CCDC148: variants seen among roughly 807,000 people sequenced by gnomAD.
CCDC148 encodes coiled-coil domain containing 148, also known as coiled-coil domain-containing protein 148.
A neutral mutation model predicts 85.7 loss-of-function variants in CCDC148; 89 were observed. That is an observed-to-expected ratio of 1.04 (90% CI 0.87 to 1.24). The LOEUF (loss-of-function observed/expected upper bound fraction) is 1.24. Among genes scored for constraint, CCDC148 ranks in the 50% most tolerant of loss-of-function variants. CCDC148 has a pLI of 0.00. For synonymous variants in CCDC148, 230 were observed against 213.9 expected, an observed-to-expected ratio of 1.08 and a Z score of -0.66; for missense variants, 692 against 671.7, an observed-to-expected ratio of 1.03 and a Z score of -0.33.
chr2:158,390,289 A>C (rs112591233), intron 1 of CCDC148, among the ~76,000 whole-genome samples: 1,718 of 152,282 alleles, frequency 0.011, 19 homozygotes, highest in Middle Eastern at 0.075. Flanking sequence ...AAAGGGATAG[A>C]AGGACCAAAC....
chr2:158,422,363 G>C (rs1425595614), intron 1 of CCDC148, among the ~76,000 whole-genome samples: 2 of 152,074 alleles, frequency 1.3e-5, no homozygotes, highest in Non-Finnish European at 2.9e-5. Flanking sequence ...ACCGAATCCA[G>C]CATATCAAAA....
At chr2:158,364,518 C>T (rs1351017255) in intron 1 of CCDC148, among the ~76,000 whole-genome samples, 1 of 152,156 alleles carries the variant, frequency 6.6e-6, no homozygotes, top group Non-Finnish European at 1.5e-5. Context: ...ACATCTAAAA[C>T]CATCTGATCT....
chr2:158,388,737 G>C (rs57790795), intron 1 of CCDC148, among the ~76,000 whole-genome samples: 9,621 of 152,016 alleles, frequency 0.063, 602 homozygotes, highest in African/African-American at 0.16. Flanking sequence ...TCAGGTGATC[G>C]ACCTGCCTGG....
rs147312419 is a variant in CCDC148, at chr2:158,350,946, C to T, written c.148-5628G>A. 1.3e-3 allele frequency among the ~76,000 whole-genome samples: 204 copies of T among 152,170 alleles called. 5 individuals carry two copies. The East Asian group carries it at 0.035, about 26-fold the overall frequency. On this transcript the variant is annotated intron_variant, in intron 2 of 13. Transcript: ENST00000283233. ...TGTAATATACAATACCTCACTGTTA[C>T]TCATCCTCACCCTACTGTGCAATAG...
intron 9 of CCDC148, among the ~76,000 whole-genome samples, chr2:158,281,547 G>A (rs1267260429): frequency 2.0e-5 from 3 of 152,010 alleles, no homozygotes; most frequent in Non-Finnish European, 4.4e-5. Flanking sequence ...TAAATTCCTC[G>A]ACACATACAC....
chr2:158,221,387 T>C (rs1230416575), intron 10 of CCDC148, among the ~76,000 whole-genome samples: 1 of 152,210 alleles, frequency 6.6e-6, no homozygotes, highest in Admixed American at 6.5e-5. Flanking sequence ...GAGGTACATA[T>C]GAGCTATTTT....
chr2:158,195,680 A>G lies in CCDC148; in HGVS notation c.1371-16684T>C, dbSNP rs373628977. Among the ~76,000 whole-genome samples, 6 of 152,308 alleles carry G rather than the reference A, an allele frequency of 3.9e-5. No homozygotes were observed. The South Asian group carries it at 1.2e-3, about 32-fold the overall frequency. On this transcript the variant is annotated intron_variant, in intron 11 of 13. Coordinates refer to ENST00000283233, the MANE Select transcript of CCDC148 (RefSeq NM_138803.4). ...CACATTCTGGCAGTTTTCTATGGTTATGCTGCTTCCAAAGCAATCTGCATG... is the reference window on the plus strand; with the variant it reads ...CACATTCTGGCAGTTTTCTATGGTTGTGCTGCTTCCAAAGCAATCTGCATG...
At chr2:158,346,693 G>A (rs770788016) in intron 2 of CCDC148, among the ~76,000 whole-genome samples, 3 of 151,966 alleles carry the variant, frequency 2.0e-5, no homozygotes, top group African/African-American at 4.8e-5. Context: ...GATGAAATAC[G>A]CATATTTCAT....
intron 1 of CCDC148, chr2:158,425,156 T>C: frequency 5.8e-6 from 3 of 516,364 alleles, no homozygotes; most frequent in Non-Finnish European, 1.2e-5. Context: ...ATCAAAACTG[T>C]AGTGGCTATG....
intron 9 of CCDC148, among the ~76,000 whole-genome samples, chr2:158,272,176 A>G (rs917796698): frequency 6.6e-6 from 1 of 152,312 alleles, no homozygotes; most frequent in East Asian, 1.9e-4. Flanking sequence ...GTTTCATAAG[A>G]AGATTTATAG....
Position 158,446,451 on chromosome 2 carries a change from C to T in CCDC148, c.25+9964G>A, listed in dbSNP as rs144309765. Among the ~76,000 whole-genome samples, 743 of 151,846 alleles carry T rather than the reference C, an allele frequency of 4.9e-3. 3 individuals carry two copies. Among genetic ancestry groups the T allele is most frequent in the African/African-American group, 0.017 (707 of 41,430 alleles). On this transcript the variant is annotated intron_variant, in intron 1 of 13. Coordinates refer to ENST00000283233, the MANE Select transcript of CCDC148 (RefSeq NM_138803.4). ...GGCTTCTCTGAGGTCAACTAGTTTTCCTCACAAAGTTTTTTTTTAATGTTT... is the reference window on the plus strand; with the variant it reads ...GGCTTCTCTGAGGTCAACTAGTTTTTCTCACAAAGTTTTTTTTTAATGTTT...
chr2:158,260,145 C>T (rs1286084324), intron 9 of CCDC148, among the ~76,000 whole-genome samples: 2 of 151,892 alleles, frequency 1.3e-5, no homozygotes, highest in East Asian at 1.9e-4. Flanking sequence ...ATTCACTATT[C>T]TATTCCTACT....
At chr2:158,456,088 G>A (rs558511558) in intron 1 of CCDC148, among the ~76,000 whole-genome samples, 3 of 152,176 alleles carry the variant, frequency 2.0e-5, no homozygotes, top group Admixed American at 6.5e-5. Context: ...CTCATAGTGC[G>A]GGATGTACAC....
At chr2:158,356,963 C>G (rs1683679853) in intron 2 of CCDC148, among the ~76,000 whole-genome samples, 1 of 148,930 alleles carries the variant, frequency 6.7e-6, no homozygotes, top group African/African-American at 2.5e-5. Context: ...ACATCATTCT[C>G]AGTAAACTAT....
At chr2:158,435,281 G>A (rs146876426) in intron 1 of CCDC148, among the ~76,000 whole-genome samples, 2 of 152,074 alleles carry the variant, frequency 1.3e-5, no homozygotes, top group East Asian at 1.9e-4. Context: ...CAGATCTCTC[G>A]GCAGAAACTC....
intron 1 of CCDC148, among the ~76,000 whole-genome samples, chr2:158,394,196 C>T (rs1574744972): frequency 1.3e-5 from 2 of 152,024 alleles, no homozygotes; most frequent in African/African-American, 4.8e-5. Context: ...ATATGCAAAA[C>T]ATTTGCATAT....
intron 9 of CCDC148, among the ~76,000 whole-genome samples, chr2:158,271,969 C>T (rs770038850): frequency 6.6e-6 from 1 of 152,166 alleles, no homozygotes; most frequent in Non-Finnish European, 1.5e-5. Context: ...AGGCATCCTA[C>T]ATCCTTTGCT....
At chr2:158,425,385 T>C (rs554743487) in intron 1 of CCDC148, 2 of 403,012 alleles carry the variant, frequency 5.0e-6, no homozygotes, top group Admixed American at 2.8e-5. Context: ...GGTCTTTTGT[T>C]GATCTAAGAT....
intron 1 of CCDC148, chr2:158,365,985 T>C: frequency 7.0e-7 from 1 of 1,436,374 alleles, no homozygotes; most frequent in South Asian, 1.3e-5. Context: ...CTGTAAATAA[T>C]AAAACAGAGT....
Sources: gnomAD v4.1 joint callset for allele counts (sites outside exome capture counted in the v4.1 genomes callset) on GRCh38, gnomAD v4.1.1 for gene constraint, MANE v1.5 for transcripts, NCBI Gene and HGNC (gene_info 2026-07-23, HGNC 2026-07-21) for gene names.